DACH1: variants seen among roughly 807,000 people sequenced by gnomAD.
DACH1 encodes dachshund homolog 1.
Under a neutral mutation model 54.2 loss-of-function variants are expected in DACH1, and 12 were observed. The ratio of observed to expected loss-of-function variants is 0.22; its 90% confidence interval spans 0.14 to 0.36. The LOEUF (loss-of-function observed/expected upper bound fraction) is 0.36, where lower values mean the gene tolerates loss of function less well. DACH1 is among the 10% of genes least tolerant of loss of function. DACH1 has a pLI of 1.00. For missense variants in DACH1, 805 were observed against 929.8 expected (o/e 0.87, Z 1.75); for synonymous variants, 386 against 366.2 (o/e 1.05, Z -0.62).
chr13:71,824,121 G>A (rs752898921), intron 1 of DACH1, among the ~76,000 whole-genome samples: 30 of 151,704 alleles, frequency 2.0e-4, no homozygotes, highest in African/African-American at 5.1e-4. Flanking sequence ...TGTTACCTAC[G>A]TTGAGACTCT....
chr13:71,525,445 G>C (rs903951261), intron 6 of DACH1, among the ~76,000 whole-genome samples: 1 of 152,030 alleles, frequency 6.6e-6, no homozygotes, highest in African/African-American at 2.4e-5. Context: ...TTATTGTCAA[G>C]AATTAATAAA....
intron 6 of DACH1, among the ~76,000 whole-genome samples, chr13:71,517,786 T>C (rs140663752): frequency 2.5e-4 from 38 of 152,016 alleles, no homozygotes; most frequent in African/African-American, 8.9e-4. Flanking sequence ...TAGTCTAACC[T>C]TTCTCAGGTC....
At chr13:71,482,227 G>T (rs1450912798) in intron 7 of DACH1, among the ~76,000 whole-genome samples, 11 of 151,898 alleles carry the variant, frequency 7.2e-5, no homozygotes, top group African/African-American at 2.4e-4. Flanking sequence ...ATTTTTTAGA[G>T]ATTGAGTTTT....
chr13:71,704,808 C>A lies in DACH1; in HGVS notation c.849-22898G>T, dbSNP rs186606889. The stretch of plus-strand genomic sequence containing the variant: ...TTGTGTAACGTCTTTATTATTTGAA[C>A]TTAATGTTATTTTTTACTGAAAGAC... On this transcript the variant is annotated intron_variant, in intron 1 of 10. Transcript: ENST00000613252. 4.1e-4 allele frequency among the ~76,000 whole-genome samples: 63 copies of A among 151,844 alleles called. 1 individual carries two copies. In the East Asian group the frequency reaches 8.9e-3, roughly 22 times the overall value.
intron 2 of DACH1, among the ~76,000 whole-genome samples, chr13:71,679,839 G>A (rs867760322): frequency 2.6e-5 from 4 of 151,550 alleles, no homozygotes; most frequent in Admixed American, 6.6e-5. Context: ...AAAAAAATTC[G>A]GGCGTAGTGG....
At chr13:71,853,645 TAA>T (rs1051927589) in intron 1 of DACH1, among the ~76,000 whole-genome samples, 1 of 152,138 alleles carries the variant, frequency 6.6e-6, no homozygotes, top group Admixed American at 6.6e-5. Context: ...ATCTGATTTT[TAA>T]AAAAGAGATT....
intron 2 of DACH1, among the ~76,000 whole-genome samples, chr13:71,631,384 G>A (rs1037620907): frequency 6.6e-6 from 1 of 152,066 alleles, no homozygotes; most frequent in Non-Finnish European, 1.5e-5. Flanking sequence ...TTATACCTGT[G>A]CTGCTGTTAT....
intron 6 of DACH1, among the ~76,000 whole-genome samples, chr13:71,515,654 C>T (rs1009692984): frequency 2.0e-5 from 3 of 151,848 alleles, no homozygotes; most frequent in Non-Finnish European, 4.4e-5. Flanking sequence ...GGGGTAAACA[C>T]CACCATAAAG....
chr13:71,830,854 C>G (rs1187001456), intron 1 of DACH1, among the ~76,000 whole-genome samples: 1 of 151,906 alleles, frequency 6.6e-6, no homozygotes, highest in Non-Finnish European at 1.5e-5. Context: ...ACACCTCACC[C>G]TGTTTCTCTC....
At chr13:71,812,480 G>C (rs1887750439) in intron 1 of DACH1, among the ~76,000 whole-genome samples, 1 of 150,598 alleles carries the variant, frequency 6.6e-6, no homozygotes, top group Non-Finnish European at 1.5e-5. Context: ...TCAGTATTTA[G>C]AGGACAGGTC....
chr13:71,728,504 A>G (rs1346426734), intron 1 of DACH1, among the ~76,000 whole-genome samples: 1 of 152,042 alleles, frequency 6.6e-6, no homozygotes, highest in Non-Finnish European at 1.5e-5. Context: ...TAAAGAGAAA[A>G]AAATTGTATT....
chr13:71,660,291 C>T (rs1026155808), intron 2 of DACH1, among the ~76,000 whole-genome samples: 1 of 152,006 alleles, frequency 6.6e-6, no homozygotes, highest in African/African-American at 2.4e-5. Context: ...TATATTAAAT[C>T]CAGTCACCTG....
chr13:71,641,306 T>C (rs1315253831), intron 2 of DACH1, among the ~76,000 whole-genome samples: 1 of 152,102 alleles, frequency 6.6e-6, no homozygotes, highest in African/African-American at 2.4e-5. Flanking sequence ...CACAGTATTC[T>C]TTCTAAGTGG....
chr13:71,496,488 C>T (rs940286828), intron 6 of DACH1, among the ~76,000 whole-genome samples: 1 of 151,422 alleles, frequency 6.6e-6, no homozygotes, highest in Admixed American at 6.6e-5. Context: ...TTCATGTTCT[C>T]ATTTATAAGT....
At chr13:71,830,389 T>G (rs1162057324) in intron 1 of DACH1, among the ~76,000 whole-genome samples, 2 of 151,868 alleles carry the variant, frequency 1.3e-5, no homozygotes, top group African/African-American at 2.4e-5. Flanking sequence ...TCACAAATGT[T>G]TTCTATATTC....
intron 1 of DACH1, among the ~76,000 whole-genome samples, chr13:71,858,896 T>C (rs1196588680): frequency 6.6e-6 from 1 of 150,902 alleles, no homozygotes; most frequent in Non-Finnish European, 1.5e-5. Flanking sequence ...TCTCTGCCTC[T>C]CTCTCTCTCT....
intron 1 of DACH1, among the ~76,000 whole-genome samples, chr13:71,777,465 G>C (rs893707805): frequency 6.6e-6 from 1 of 152,070 alleles, no homozygotes; most frequent in Non-Finnish European, 1.5e-5. Flanking sequence ...ATCAAACTTA[G>C]TATCACTTCC....
intron 3 of DACH1, among the ~76,000 whole-genome samples, chr13:71,577,424 T>A (rs1885597390): frequency 6.6e-6 from 1 of 152,192 alleles, no homozygotes. Flanking sequence ...ACTAGAATGA[T>A]CTCTTCAAAT....
chr13:71,511,083 T>C (rs1171768975), intron 6 of DACH1, among the ~76,000 whole-genome samples: 6 of 152,050 alleles, frequency 3.9e-5, no homozygotes, highest in Non-Finnish European at 7.4e-5. Flanking sequence ...TAAAAGCCTA[T>C]GGAATTCTTG....
Sources: allele counts gnomAD v4.1 joint callset (sites outside exome capture counted in the v4.1 genomes callset), GRCh38; gene constraint gnomAD v4.1.1; transcripts MANE v1.5; gene names NCBI Gene and HGNC (gene_info 2026-07-23, HGNC 2026-07-21).